The following IMMP2L variants were observed in gnomAD, a reference collection of about 807,000 sequenced individuals.
The protein encoded by IMMP2L is mitochondrial inner membrane protease subunit 2.
Under a neutral mutation model 19.3 loss-of-function variants are expected in IMMP2L, and 18 were observed. The observed-to-expected ratio is 0.93, with a 90% confidence interval of 0.64 to 1.38. The LOEUF is 1.38. Among genes scored for constraint, IMMP2L ranks in the 40% most tolerant of loss-of-function variants. The pLI is 0.00. For missense variants in IMMP2L, 233 were observed against 218.2 expected, an observed-to-expected ratio of 1.07 and a Z score of -0.43; for synonymous variants, 76 against 73.0, an observed-to-expected ratio of 1.04 and a Z score of -0.21.
At chr7:111,036,400 G>A (rs1470277470) in intron 3 of IMMP2L, among the ~76,000 whole-genome samples, 1 of 152,078 alleles carries the variant, frequency 6.6e-6, no homozygotes, top group Non-Finnish European at 1.5e-5. Context: ...TCGCATTTGA[G>A]GATTATTAAG....
intron 5 of IMMP2L, among the ~76,000 whole-genome samples, chr7:110,714,801 T>A (rs1289786506): frequency 6.6e-6 from 1 of 152,180 alleles, no homozygotes; most frequent in Non-Finnish European, 1.5e-5. Context: ...TTTGCCATGT[T>A]GGTCAGGCAG....
At chr7:111,280,093 A>G (rs1819528020) in intron 3 of IMMP2L, among the ~76,000 whole-genome samples, 1 of 152,130 alleles carries the variant, frequency 6.6e-6, no homozygotes, top group African/African-American at 2.4e-5. Flanking sequence ...AGGACTCTTG[A>G]AACAAAATAA....
intron 5 of IMMP2L, among the ~76,000 whole-genome samples, chr7:110,697,947 G>C (rs1235746745): frequency 6.6e-6 from 1 of 152,148 alleles, no homozygotes; most frequent in Admixed American, 6.6e-5. Context: ...AATAGTTTGA[G>C]AGACTTAAAT....
intron 3 of IMMP2L, among the ~76,000 whole-genome samples, chr7:111,190,673 C>G (rs899141121): frequency 5.3e-5 from 8 of 151,930 alleles, no homozygotes; most frequent in Admixed American, 2.0e-4. Flanking sequence ...TCTCTGGAGC[C>G]TTAGTTTCTT....
chr7:110,963,116 GT>G (rs1333082100), intron 4 of IMMP2L: 1 of 1,501,196 alleles, frequency 6.7e-7, no homozygotes, highest in Non-Finnish European at 8.8e-7. Flanking sequence ...AGTCCTCTTA[GT>G]TTCTGCATTT....
intron 2 of IMMP2L, among the ~76,000 whole-genome samples, chr7:111,491,119 T>G (rs1311769229): frequency 6.6e-6 from 1 of 152,166 alleles, no homozygotes. Context: ...CTCTTCCACT[T>G]AAGAAACAAA....
intron 3 of IMMP2L, among the ~76,000 whole-genome samples, chr7:111,433,721 G>A (rs566764005): frequency 6.6e-6 from 1 of 151,556 alleles, no homozygotes; most frequent in Non-Finnish European, 1.5e-5. Flanking sequence ...GTGAGATTTG[G>A]GTGGGGACAC....
At chr7:110,837,804 C>A (rs549935137) in intron 5 of IMMP2L, among the ~76,000 whole-genome samples, 1 of 152,200 alleles carries the variant, frequency 6.6e-6, no homozygotes, top group South Asian at 2.1e-4. Flanking sequence ...ACAGTGGAGA[C>A]AAACAGGTGC....
At chr7:111,058,772 C>G (rs1200894098) in intron 3 of IMMP2L, among the ~76,000 whole-genome samples, 1 of 152,126 alleles carries the variant, frequency 6.6e-6, no homozygotes, top group Non-Finnish European at 1.5e-5. Flanking sequence ...ACACCCACCC[C>G]CAACAAATGA....
intron 4 of IMMP2L, among the ~76,000 whole-genome samples, chr7:110,958,167 C>T (rs1187258686): frequency 6.6e-6 from 1 of 151,984 alleles, no homozygotes; most frequent in Non-Finnish European, 1.5e-5. Context: ...TGCACATGAA[C>T]TTTAAATCAA....
At chr7:110,764,926 T>C (rs1249636489) in intron 5 of IMMP2L, among the ~76,000 whole-genome samples, 1 of 152,124 alleles carries the variant, frequency 6.6e-6, no homozygotes, top group African/African-American at 2.4e-5. Flanking sequence ...CTTTGTGGTT[T>C]CTTGTATTGA....
At chr7:110,789,776 C>G (rs528741436) in intron 5 of IMMP2L, among the ~76,000 whole-genome samples, 2 of 151,724 alleles carry the variant, frequency 1.3e-5, no homozygotes, top group African/African-American at 4.9e-5. Context: ...GGTGCCCTTG[C>G]TCTTCCCTAA....
intron 5 of IMMP2L, among the ~76,000 whole-genome samples, chr7:110,695,074 G>C (rs1793786337): frequency 6.6e-6 from 1 of 152,140 alleles, no homozygotes; most frequent in African/African-American, 2.4e-5. Flanking sequence ...GGGAAATGGG[G>C]AGTAATTTGT....
chr7:111,022,083 G>C (rs1826344233), intron 3 of IMMP2L, among the ~76,000 whole-genome samples: 2 of 152,152 alleles, frequency 1.3e-5, no homozygotes, highest in South Asian at 4.1e-4. Context: ...CATTTCCTAA[G>C]TAGAATCACC....
chr7:110,829,537 G>A (rs1179115773), intron 5 of IMMP2L, among the ~76,000 whole-genome samples: 6 of 151,772 alleles, frequency 4.0e-5, no homozygotes, highest in Admixed American at 2.0e-4. Flanking sequence ...TTCTAAAAAC[G>A]AAAAAATATT....
intron 3 of IMMP2L, among the ~76,000 whole-genome samples, chr7:111,385,637 G>T (rs1179578332): frequency 6.6e-6 from 1 of 152,044 alleles, no homozygotes; most frequent in African/African-American, 2.4e-5. Context: ...GTGGTTCATT[G>T]TGGTTTCTAC....
chr7:111,143,346 C>T (rs536001754), intron 3 of IMMP2L, among the ~76,000 whole-genome samples: 2 of 152,168 alleles, frequency 1.3e-5, no homozygotes, highest in East Asian at 1.9e-4. Flanking sequence ...GCTAAATAAG[C>T]GAGGTAAACA....
chr7:110,694,597 A>C (rs1472877876), intron 5 of IMMP2L, among the ~76,000 whole-genome samples: 1 of 152,198 alleles, frequency 6.6e-6, no homozygotes. Flanking sequence ...CTGAAGATGC[A>C]ATTGACTGAG....
intron 5 of IMMP2L, among the ~76,000 whole-genome samples, chr7:110,871,530 T>C (rs926559136): frequency 3.3e-5 from 5 of 152,134 alleles, no homozygotes; most frequent in African/African-American, 1.2e-4. Context: ...CAAATACTGC[T>C]GAAAGGCTAA....
Sources: gnomAD v4.1 joint callset for allele counts (sites outside exome capture counted in the v4.1 genomes callset) on GRCh38, gnomAD v4.1.1 for gene constraint, MANE v1.5 for transcripts, NCBI Gene and HGNC (gene_info 2026-07-23, HGNC 2026-07-21) for gene names.